Variants in ZNF385D observed in about 807,000 individuals in gnomAD.
ZNF385D encodes the protein zinc finger protein 659.
Under a neutral mutation model 35.8 loss-of-function variants are expected in ZNF385D, and 15 were observed. The observed-to-expected ratio is 0.42, with a 90% confidence interval of 0.28 to 0.64. The LOEUF (loss-of-function observed/expected upper bound fraction) is 0.64, where lower values mean the gene tolerates loss of function less well. ZNF385D is among the 30% of genes least tolerant of loss of function. ZNF385D has a pLI of 0.23. For synonymous variants in ZNF385D, 212 were observed against 186.8 expected (o/e 1.13, Z -1.10); for missense variants, 474 against 494.6 (o/e 0.96, Z 0.39).
At chr3:22,358,876 A>G (rs1378667697) in intron 2 of ZNF385D, among the ~76,000 whole-genome samples, 1 of 151,696 alleles carries the variant, frequency 6.6e-6, no homozygotes, top group Non-Finnish European at 1.5e-5. Context: ...TAAATGAAAA[A>G]GACACTCACC....
At chr3:21,757,992 G>C (rs913128648) in intron 3 of ZNF385D, among the ~76,000 whole-genome samples, 3 of 152,124 alleles carry the variant, frequency 2.0e-5, no homozygotes, top group Admixed American at 6.5e-5. Flanking sequence ...AGAATATAAA[G>C]TTATATTCTA....
At chr3:22,219,303 C>G (rs763297466) in intron 2 of ZNF385D, among the ~76,000 whole-genome samples, 2 of 152,088 alleles carry the variant, frequency 1.3e-5, no homozygotes, top group Admixed American at 6.5e-5. Context: ...CTCCCTGCCT[C>G]TCTCCCCAAC....
intron 3 of ZNF385D, among the ~76,000 whole-genome samples, chr3:21,803,800 T>C (rs1342133297): frequency 1.3e-5 from 2 of 152,228 alleles, no homozygotes; most frequent in African/African-American, 2.4e-5. Flanking sequence ...CAAGGAACCA[T>C]TTGTTCCAAG....
At chr3:21,871,156 C>G (rs1697669953) in intron 3 of ZNF385D, among the ~76,000 whole-genome samples, 1 of 152,140 alleles carries the variant, frequency 6.6e-6, no homozygotes, top group Non-Finnish European at 1.5e-5. Flanking sequence ...CATCTCTAGT[C>G]TTTGAGTCAC....
chr3:22,136,725 TAC>T (rs1252022312), intron 3 of ZNF385D, among the ~76,000 whole-genome samples: 2 of 152,152 alleles, frequency 1.3e-5, no homozygotes, highest in Non-Finnish European at 2.9e-5. Flanking sequence ...CAAATTGTGG[TAC>T]ATTCAAAAAA....
intron 3 of ZNF385D, among the ~76,000 whole-genome samples, chr3:22,035,665 C>T (rs1576198065): frequency 1.3e-5 from 2 of 152,148 alleles, no homozygotes; most frequent in African/African-American, 2.4e-5. Flanking sequence ...ATCTCTGAAA[C>T]CCCCACCTAA....
chr3:22,001,875 A>C (rs1395059232), intron 3 of ZNF385D, among the ~76,000 whole-genome samples: 1 of 152,080 alleles, frequency 6.6e-6, no homozygotes, highest in African/African-American at 2.4e-5. Flanking sequence ...ATTTTTAAAA[A>C]TTGAAAAAAT....
At chr3:22,206,830 A>C (rs1040263653) in intron 2 of ZNF385D, among the ~76,000 whole-genome samples, 34 of 152,028 alleles carry the variant, frequency 2.2e-4, no homozygotes, top group African/African-American at 8.2e-4. Flanking sequence ...GAAAAACTTC[A>C]AATATATAAC....
intron 2 of ZNF385D, among the ~76,000 whole-genome samples, chr3:21,629,421 C>T (rs1307967234): frequency 6.6e-6 from 1 of 152,070 alleles, no homozygotes; most frequent in Non-Finnish European, 1.5e-5. Context: ...AAAGTTCATC[C>T]TTAAAGCATA....
At chr3:21,907,670 C>CCTAAAGGTT (rs1699748759) in intron 3 of ZNF385D, among the ~76,000 whole-genome samples, 1 of 152,018 alleles carries the variant, frequency 6.6e-6, no homozygotes, top group African/African-American at 2.4e-5. Flanking sequence ...AATGGTTGTT[C>CCTAAAGGTT]CTAAAGGTTA....
chr3:21,682,804 C>A (rs1269992631), intron 1 of ZNF385D, among the ~76,000 whole-genome samples: 4 of 149,666 alleles, frequency 2.7e-5, no homozygotes, highest in Non-Finnish European at 5.9e-5. Context: ...TATAGTGCAA[C>A]TGCTAAGTCT....
chr3:21,561,753 A>G (rs536145962), intron 3 of ZNF385D, among the ~76,000 whole-genome samples: 1 of 152,324 alleles, frequency 6.6e-6, no homozygotes, highest in East Asian at 1.9e-4. Context: ...TAAATTTACC[A>G]TCTTACATGG....
intron 3 of ZNF385D, among the ~76,000 whole-genome samples, chr3:22,143,921 C>T (rs1468266504): frequency 6.6e-6 from 1 of 152,064 alleles, no homozygotes; most frequent in Non-Finnish European, 1.5e-5. Context: ...ATATTAACAG[C>T]TTTCCAGAAG....
intron 3 of ZNF385D, among the ~76,000 whole-genome samples, chr3:21,933,181 C>A (rs1418991334): frequency 6.6e-6 from 1 of 152,202 alleles, no homozygotes; most frequent in South Asian, 2.1e-4. Flanking sequence ...ATAAAATACA[C>A]TTGATTCAAT....
intron 3 of ZNF385D, among the ~76,000 whole-genome samples, chr3:21,888,587 A>T (rs1698676284): frequency 6.6e-6 from 1 of 152,178 alleles, no homozygotes; most frequent in Non-Finnish European, 1.5e-5. Context: ...CGGAAACAGA[A>T]GATTAAGAAT....
At chr3:21,649,821 A>G (rs1230707685) in intron 2 of ZNF385D, among the ~76,000 whole-genome samples, 1 of 152,186 alleles carries the variant, frequency 6.6e-6, no homozygotes, top group Non-Finnish European at 1.5e-5. Flanking sequence ...AGTAGTACTG[A>G]ATTTACTACT....
At chr3:21,434,545 T>C (rs1229151125) in intron 5 of ZNF385D, among the ~76,000 whole-genome samples, 2 of 152,166 alleles carry the variant, frequency 1.3e-5, no homozygotes, top group African/African-American at 4.8e-5. Flanking sequence ...TGCATTCACA[T>C]TTATCCACAT....
intron 3 of ZNF385D, among the ~76,000 whole-genome samples, chr3:21,787,486 A>T (rs2071741092): frequency 6.6e-6 from 1 of 152,068 alleles, no homozygotes; most frequent in Non-Finnish European, 1.5e-5. Context: ...GCTAATATCC[A>T]GCACACCACT....
chr3:22,106,472 C>A (rs992998047), intron 3 of ZNF385D, among the ~76,000 whole-genome samples: 2 of 152,130 alleles, frequency 1.3e-5, no homozygotes, highest in African/African-American at 4.8e-5. Context: ...CCTTTTAGGA[C>A]CTTTTTCCTT....
Sources: allele counts gnomAD v4.1 joint callset (sites outside exome capture counted in the v4.1 genomes callset), GRCh38; gene constraint gnomAD v4.1.1; transcripts MANE v1.5; gene names NCBI Gene and HGNC (gene_info 2026-07-23, HGNC 2026-07-21).